The following SHOC1 variants were observed in gnomAD, a reference collection of about 807,000 sequenced individuals.
The protein encoded by SHOC1 is protein shortage in chiasmata 1 ortholog.
Under a neutral mutation model 179.2 loss-of-function variants are expected in SHOC1, and 136 were observed. The ratio of observed to expected loss-of-function variants is 0.76; its 90% CI spans 0.66 to 0.87. SHOC1 has a LOEUF of 0.87. Ranked by LOEUF, SHOC1 falls within the 40% of genes least tolerant of loss-of-function variation. The pLI, the probability that SHOC1 is intolerant of heterozygous loss-of-function variation, is 0.00. For missense variants in SHOC1, 1,538 were observed against 1,700.8 expected, an observed-to-expected ratio of 0.90 and a Z score of 1.68; for synonymous variants, 489 against 586.6, an observed-to-expected ratio of 0.83 and a Z score of 2.41.
At chr9:111,744,181 G>A (rs1427610452) in intron 10 of SHOC1, among the ~76,000 whole-genome samples, 1 of 146,898 alleles carries the variant, frequency 6.8e-6, no homozygotes, top group Non-Finnish European at 1.5e-5. Context: ...ATGCCAGTCT[G>A]TCATAACAGA....
chr9:111,722,632 T>C (rs1222948747), intron 14 of SHOC1, 47 bp from the exon 15 acceptor site: 2 of 1,494,134 alleles, frequency 1.3e-6, no homozygotes, highest in Non-Finnish European at 1.8e-6. Context: ...AAAGATGGTA[T>C]GCTCTTTTTG....
chr9:111,772,837 T>C (rs894233150), intron 5 of SHOC1, among the ~76,000 whole-genome samples: 1 of 152,222 alleles, frequency 6.6e-6, no homozygotes, highest in Non-Finnish European at 1.5e-5. Context: ...TTCTCCCCTC[T>C]TTGTCTCTCC....
intron 6 of SHOC1, 148 bp downstream of exon 6, chr9:111,758,547 C>T: frequency 1.4e-6 from 1 of 690,724 alleles, no homozygotes; most frequent in Non-Finnish European, 2.3e-6. Context: ...CGAGATTGCG[C>T]CATTGTACTC....
chr9:111,775,999 T>G lies in SHOC1; in HGVS notation c.258-24A>C, dbSNP rs201478314. The G allele has an allele frequency of 3.4e-4, 526 of 1,569,896 alleles. 2 individuals carry two copies. In the African/African-American group the frequency reaches 3.9e-3, roughly 12 times the overall value. On this transcript the variant is annotated intron_variant, in intron 4 of 27. Coordinates refer to ENST00000682961, the MANE Select transcript of SHOC1 (RefSeq NM_001378211.1). ...TTCTGTGACAATATAAAATTACTAATGTTATGTATGTCCTATTTTAAAACA... is the reference window on the plus strand; with the variant it reads ...TTCTGTGACAATATAAAATTACTAAGGTTATGTATGTCCTATTTTAAAACA...
chr9:111,687,531 A>G (rs1195995420), intron 27 of SHOC1, among the ~76,000 whole-genome samples: 1 of 152,164 alleles, frequency 6.6e-6, no homozygotes, highest in Admixed American at 6.5e-5. Flanking sequence ...CTCTTCTAAC[A>G]TTTTTAAGTA....
chr9:111,739,284 AT>A (rs1271108201), intron 11 of SHOC1, among the ~76,000 whole-genome samples: 2 of 152,166 alleles, frequency 1.3e-5, no homozygotes, highest in Middle Eastern at 3.2e-3. Context: ...AATAGGTATA[AT>A]TTTTAATAGT....
chr9:111,733,854 T>A (rs998546923), intron 12 of SHOC1, among the ~76,000 whole-genome samples: 1 of 143,236 alleles, frequency 7.0e-6, no homozygotes, highest in African/African-American at 2.6e-5. Flanking sequence ...CAAGACTCTG[T>A]CTCAAAAAAA....
intron 5 of SHOC1, among the ~76,000 whole-genome samples, chr9:111,762,349 G>C (rs533177985): frequency 3.9e-4 from 59 of 151,630 alleles, no homozygotes; most frequent in Non-Finnish European, 8.2e-4. Context: ...GATCACTTGA[G>C]CCCGGGGGTT....
intron 18 of SHOC1, among the ~76,000 whole-genome samples, chr9:111,710,185 T>C (rs1469316568): frequency 6.6e-6 from 1 of 152,198 alleles, no homozygotes; most frequent in Non-Finnish European, 1.5e-5. Context: ...TCTAACATTT[T>C]GGTACTAGTA....
At chr9:111,761,219 C>G (rs1038360841) in intron 5 of SHOC1, among the ~76,000 whole-genome samples, 2 of 152,102 alleles carry the variant, frequency 1.3e-5, no homozygotes, top group African/African-American at 4.8e-5. Flanking sequence ...TAGGCACCTT[C>G]AGCTGGGCCT....
intron 12 of SHOC1, among the ~76,000 whole-genome samples, chr9:111,737,503 C>T (rs1456613854): frequency 3.3e-5 from 5 of 151,948 alleles, no homozygotes; most frequent in African/African-American, 1.2e-4. Context: ...CCCATCTCTA[C>T]TAAAAATAGT....
chr9:111,735,069 T>C (rs893356892), intron 12 of SHOC1, among the ~76,000 whole-genome samples: 2 of 152,178 alleles, frequency 1.3e-5, no homozygotes, highest in African/African-American at 2.4e-5. Flanking sequence ...AGTATTTGGT[T>C]TTCTATTCCT....
chr9:111,793,036 A>C (rs972919970), intron 1 of SHOC1, among the ~76,000 whole-genome samples: 1 of 152,048 alleles, frequency 6.6e-6, no homozygotes, highest in African/African-American at 2.4e-5. Context: ...GCGCCCGCCA[A>C]CACGCCCGGC....
chr9:111,765,590 AAAAAC>A (rs965244863), intron 5 of SHOC1, among the ~76,000 whole-genome samples: 1 of 152,098 alleles, frequency 6.6e-6, no homozygotes, highest in African/African-American at 2.4e-5. Context: ...ACTCTGACTC[AAAAAC>A]AAAACAAAAC....
chr9:111,792,085 T>C (rs1422005076), intron 1 of SHOC1, among the ~76,000 whole-genome samples: 3 of 152,184 alleles, frequency 2.0e-5, no homozygotes, highest in Non-Finnish European at 4.4e-5. Flanking sequence ...TTCTAGTAGC[T>C]AGCTCATTTG....
rs1358876500 is a variant in SHOC1, at chr9:111,775,857, A to G, written c.376T>C (p.Tyr126His). 1.9e-6 allele frequency: 3 copies of G among 1,613,758 alleles called. No individual in the cohort carries two copies. The highest frequency in any genetic ancestry group is 2.2e-5 in the South Asian group (2 of 91,012). The change falls in exon 5 of 28, where the codon TAC becomes CAC. Residue 126 changes from tyrosine (Y) to histidine (H), a missense_variant. By Grantham distance (83) the Tyr-to-His change is moderately conservative. Transcript: ENST00000682961. ...EEVSLYTHMD[Y>H]NEVFTPVSCL... ...CTGACAGGGGTAAAGACTTCATTGT[A>G]GTCCATGTGGGTGTATAAACTGACC...
rs1224083968 is a variant in SHOC1, at chr9:111,728,059, G to GA, written c.1418-11dup. ...TTATGTTCTAGACATGCTGAAAACA[G>GA]AAAATAACAACACACAAGTAACTTC... On this transcript the variant is annotated splice_polypyrimidine_tract_variant and intron_variant, in intron 12 of 27. Transcript: ENST00000682961. 6.5e-7 allele frequency: 1 copy of GA among 1,540,502 alleles called. No individual in the cohort carries two copies. The highest frequency in any genetic ancestry group is 8.7e-7 in the Non-Finnish European group (1 of 1,143,966).
chr9:111,705,272 C>A lies in SHOC1; in HGVS notation c.2830G>T (p.Asp944Tyr). 6.4e-7 allele frequency: 1 copy of A among 1,569,998 alleles called. No homozygotes were observed. Among genetic ancestry groups the A allele is most frequent in the South Asian group, 1.2e-5 (1 of 84,238 alleles). Residue 944 changes from aspartate (D) to tyrosine (Y), a missense_variant, in exon 21 of 28, where the codon GAC becomes TAC. Transcript: ENST00000682961. ...TTGGATTCTAGCAGCTGAAGTATGT[C>A]TGGAGTATTAAGAAGTCCTTCAGAT... The part of the protein sequence containing the change: ...FASEGLLNTP[D>Y]ILQLLESNYN...
chr9:111,783,298 A>G (rs565878763), intron 3 of SHOC1: 18 of 152,178 alleles, frequency 1.2e-4, no homozygotes, highest in Non-Finnish European at 2.5e-4. Flanking sequence ...ATATTCCAAT[A>G]TATTCCTATC....
Sources: gnomAD v4.1 joint callset for allele counts (sites outside exome capture counted in the v4.1 genomes callset) on GRCh38, gnomAD v4.1.1 for gene constraint, MANE v1.5 for transcripts, NCBI Gene and HGNC (gene_info 2026-07-23, HGNC 2026-07-21) for gene names.